The following IL15RA variants were observed in gnomAD, a reference collection of about 807,000 sequenced individuals.
The protein encoded by IL15RA is interleukin-15 receptor subunit alpha.
A neutral mutation model predicts 24.2 loss-of-function variants in IL15RA; 26 were observed. The observed-to-expected ratio is 1.07, with a 90% confidence interval of 0.79 to 1.49. IL15RA has a LOEUF of 1.49. Among genes scored for constraint, IL15RA ranks in the 40% most tolerant of loss-of-function variants. IL15RA has a pLI of 0.00. For missense variants in IL15RA, 354 were observed against 356.4 expected (o/e 0.99, Z 0.05); for synonymous variants, 166 against 157.6 (o/e 1.05, Z -0.40).
At position 5,956,456 on chromosome 10, in the gene IL15RA, T is replaced by C; in HGVS notation, c.617-2A>G. On this transcript the variant is annotated splice_acceptor_variant, in intron 5 of 6. Coordinates refer to ENST00000379977, the MANE Select transcript of IL15RA (RefSeq NM_002189.4). LOFTEE classifies it high-confidence loss of function. ...GGACAGTGGACGTGGAGATAGCCAC[T>C]GAAAGGGAGGAGACCACGCTGAGAT... 1 of 1,612,658 alleles carries C rather than the reference T, an allele frequency of 6.2e-7. No homozygotes were observed.
At position 5,965,543 on chromosome 10, in the gene IL15RA, G is replaced by A. The variant is rs1385944199; in HGVS notation, c.283+602C>T. Among the ~76,000 whole-genome samples the A allele has an allele frequency of 6.6e-6, 1 of 152,224 alleles. No individual in the cohort carries two copies. The highest frequency in any genetic ancestry group is 1.9e-4 in the East Asian group (1 of 5,194). On this transcript the variant is annotated intron_variant, in intron 2 of 6. Transcript: ENST00000379977. The surrounding 1 kb of genome is among the most constrained non-coding windows in gnomAD (Gnocchi z 5.8). ...GCCACCCTCCCACAGCCCGCAGTGT[G>A]GATATCAAGTCCGTTTTCCAGATGA...
At position 5,952,814 on chromosome 10, in the gene IL15RA, A is replaced by G; in HGVS notation, c.*281T>C. 1.9e-6 allele frequency: 1 copy of G among 517,440 alleles called. No homozygotes were observed. The highest frequency in any genetic ancestry group is 3.2e-5 in the East Asian group (1 of 30,964). 32.1% of individuals were successfully genotyped at this position (517,440 alleles called of 1,614,324 possible). A position where few individuals can be genotyped will look rare whatever the true frequency, so the allele number is the denominator to read the frequency against. ...ATTCCAGGCAGCTCACACTGTAATG[A>G]AATAAAAATCCTGCTCAGAAGCCTT... On this transcript the variant is annotated 3_prime_UTR_variant, in exon 7 of 7. Coordinates refer to ENST00000379977, the MANE Select transcript of IL15RA (RefSeq NM_002189.4).
Position 5,963,152 on chromosome 10 carries a change from C to T in IL15RA, c.382+591G>A, listed in dbSNP as rs1430746623. ...CTCAAGGGTGCTTCTACAGCAAGCG[C>T]CTTGGAAGACGGGGACATGGTCTCC... On this transcript the variant is annotated intron_variant, in intron 3 of 6. Coordinates refer to ENST00000379977, the MANE Select transcript of IL15RA (RefSeq NM_002189.4). This position sits in a 1 kb window ranked among gnomAD's most constrained non-coding sequence, Gnocchi z 5.3. Among the ~76,000 whole-genome samples the T allele has an allele frequency of 6.6e-6, 1 of 152,182 alleles. No individual in the cohort carries two copies. Among genetic ancestry groups the T allele is most frequent in the Non-Finnish European group, 1.5e-5 (1 of 68,040 alleles).
In IL15RA at chr10:5,977,408, G is replaced by T. The variant is rs1392710538; in HGVS notation, c.85C>A (p.Arg29=). ...LLLLLRPPAT[R]GITCPPPMSV... is the part of the protein sequence containing the mutation. ...GCCCCTGCTCCCAGCTCCCTACCCC[G>T]CGTCGCCGGCGGCCGGAGCAGCAGC... Residue 29 remains arginine, a synonymous_variant, in exon 1 of 7, where the codon CGG becomes AGG. Transcript: ENST00000379977. 1 of 1,324,492 alleles carries T rather than the reference G, an allele frequency of 7.6e-7. No homozygotes were observed. Among genetic ancestry groups the T allele is most frequent in the Non-Finnish European group, 9.7e-7 (1 of 1,034,508 alleles). 82.0% of individuals were successfully genotyped at this position (1,324,492 alleles called of 1,614,324 possible).
Position 5,953,132 on chromosome 10 carries a change from CT to C in IL15RA, c.766del (p.Arg256GlufsTer21). ...AGAGCAGTTTTCCAAGTCTTCATCT[CT>C]GCTGCTGGTCCCCCAAGTCACCGGC... Reference protein sequence around the residue: ...ALPVTWGTSSRDEDLENCSHH... With the variant: ...ALPVTWGTSSXDEDLENCSHH... On this transcript the variant is annotated frameshift_variant, in exon 7 of 7. Transcript: ENST00000379977. LOFTEE classifies it low-confidence loss of function (END_TRUNC). The surrounding 1 kb of genome is among the most constrained non-coding windows in gnomAD (Gnocchi z 5.3). The C allele has an allele frequency of 6.2e-7, 1 of 1,614,254 alleles. No individual in the cohort carries two copies. Among genetic ancestry groups the C allele is most frequent in the Non-Finnish European group, 8.5e-7 (1 of 1,180,024 alleles).
rs1172570690 is a variant in IL15RA at position 5,960,149 on chromosome 10, G to T, written c.583+218C>A. Among the ~76,000 whole-genome samples, 4 of 152,226 alleles carry T rather than the reference G, an allele frequency of 2.6e-5. No homozygotes were observed. Among genetic ancestry groups the T allele is most frequent in the African/African-American group, 9.6e-5 (4 of 41,456 alleles). The stretch of plus-strand genomic sequence containing the variant: ...AGGCTGGCCCTGTCACATCTTGGGG[G>T]GGTGTGGGCTTGCTTTTGCAGCTGC... On this transcript the variant is annotated intron_variant, in intron 4 of 6. Coordinates refer to ENST00000379977, the MANE Select transcript of IL15RA (RefSeq NM_002189.4). This position sits in a 1 kb window ranked among gnomAD's most constrained non-coding sequence, Gnocchi z 5.1.
At chr10:5,956,538 C>T in intron 5 of IL15RA, 84 bp from the exon 6 acceptor site, 1 of 1,027,454 alleles carries the variant, frequency 9.7e-7, no homozygotes, top group Non-Finnish European at 1.5e-6. Flanking sequence ...GATGTTCTTA[C>T]AGAGGGATCC....
At position 5,963,664 on chromosome 10, in the gene IL15RA, T is replaced by G; in HGVS notation, c.382+79A>C. On this transcript the variant is annotated intron_variant, in intron 3 of 6. Transcript: ENST00000379977. The surrounding 1 kb of genome is among the most constrained non-coding windows in gnomAD (Gnocchi z 5.3). ...TGCAGTGGCACACCACAGAGGTCCGTGAGTCTGCAGGATTGGTGAGCGGGC... is the reference window on the plus strand; with the variant it reads ...TGCAGTGGCACACCACAGAGGTCCGGGAGTCTGCAGGATTGGTGAGCGGGC... 1.1e-4 allele frequency: 89 copies of G among 816,324 alleles called. No individual in the cohort carries two copies. Among genetic ancestry groups the G allele is most frequent in the Non-Finnish European group, 1.4e-4 (76 of 540,704 alleles). 50.6% of individuals were successfully genotyped at this position (816,324 alleles called of 1,614,324 possible). A position where few individuals can be genotyped will look rare whatever the true frequency, so the allele number is the denominator to read the frequency against.
intron 1 of IL15RA, among the ~76,000 whole-genome samples, chr10:5,976,027 G>T (rs1321515548): frequency 1.3e-5 from 2 of 152,216 alleles, no homozygotes; most frequent in African/African-American, 4.8e-5. Context: ...TCACAGTGGT[G>T]CTCCCCTATC....
In IL15RA at chr10:5,952,982, GC is replaced by G; in HGVS notation, c.*112del. 1.3e-6 allele frequency: 1 copy of G among 776,928 alleles called. No homozygotes were observed. The highest frequency in any genetic ancestry group is 2.2e-6 in the Non-Finnish European group (1 of 453,238). 48.1% of individuals were successfully genotyped at this position (776,928 alleles called of 1,614,324 possible). On this transcript the variant is annotated 3_prime_UTR_variant, in exon 7 of 7. Transcript: ENST00000379977. The stretch of plus-strand genomic sequence containing the variant: ...GAGATCCTGCTGGGACTTCTGAGAG[GC>G]CTGGTGAGCTTGCTCCTGGAGCCCG...
Position 5,953,032 on chromosome 10 carries a change from G to A in IL15RA, c.*63C>T, listed in dbSNP as rs778651853. 76 of 1,222,214 alleles carry A rather than the reference G, an allele frequency of 6.2e-5. No individual in the cohort carries two copies. Among genetic ancestry groups the A allele is most frequent in the South Asian group, 1.7e-4 (14 of 81,588 alleles). 75.7% of individuals were successfully genotyped at this position (1,222,214 alleles called of 1,614,324 possible). ...CGCTTCCTTGCACCTCTTCTCAGTC[G>A]TCTTTAGCTAAAGCAGAGAGGCTCC... is the stretch of plus-strand genomic sequence containing the variant. On this transcript the variant is annotated 3_prime_UTR_variant, in exon 7 of 7. Coordinates refer to ENST00000379977, the MANE Select transcript of IL15RA (RefSeq NM_002189.4). The surrounding 1 kb of genome is among the most constrained non-coding windows in gnomAD (Gnocchi z 5.3).
chr10:5,952,896 T>C lies in IL15RA; in HGVS notation c.*199A>G, dbSNP rs1340371308. 3.3e-6 allele frequency: 2 copies of C among 606,036 alleles called. No individual in the cohort carries two copies. Among genetic ancestry groups the C allele is most frequent in the African/African-American group, 1.9e-5 (1 of 53,898 alleles). 37.5% of individuals were successfully genotyped at this position (606,036 alleles called of 1,614,324 possible). A position where few individuals can be genotyped will look rare whatever the true frequency, so the allele number is the denominator to read the frequency against. ...CAAGGCACGACAGGCAGGCAGGTGG[T>C]GCCCATGGGAATGCGGAGAACCTGC... On this transcript the variant is annotated 3_prime_UTR_variant, in exon 7 of 7. Transcript: ENST00000379977.
intron 1 of IL15RA, among the ~76,000 whole-genome samples, chr10:5,972,523 A>C (rs997291365): frequency 6.6e-6 from 1 of 151,710 alleles, no homozygotes; most frequent in Non-Finnish European, 1.5e-5. Context: ...ATTAGAAAAA[A>C]CTCCAAAATT....
chr10:5,977,942 C>G (rs948687419), upstream of IL15RA: 1 of 230,254 alleles, frequency 4.3e-6, no homozygotes, highest in East Asian at 8.5e-5. Flanking sequence ...CCTCGCCCGG[C>G]GCTGGTCGCC....
At position 5,966,182 on chromosome 10, in the gene IL15RA, A is replaced by G. The variant is rs1339924822; in HGVS notation, c.246T>C (p.Asn82=). The change falls in exon 2 of 7, where the codon AAT becomes AAC. Residue 82 remains asparagine, a synonymous_variant. Coordinates refer to ENST00000379977, the MANE Select transcript of IL15RA (RefSeq NM_002189.4). The surrounding 1 kb of genome is among the most constrained non-coding windows in gnomAD (Gnocchi z 6.4). The part of the protein sequence containing the change: ...LTECVLNKAT[N]VAHWTTPSLK... The stretch of plus-strand genomic sequence containing the variant: ...GACTGGGGGTTGTCCAGTGGGCGAC[A>G]TTCGTGGCCTTGTTCAACACGCACT... 3.7e-6 allele frequency: 6 copies of G among 1,612,334 alleles called. No individual in the cohort carries two copies. In the East Asian group the frequency reaches 1.3e-4, roughly 36 times the overall value.
rs1835248064 is a variant in IL15RA at position 5,960,124 on chromosome 10, AGGCT to A, written c.583+239_583+242del. On this transcript the variant is annotated intron_variant, in intron 4 of 6. Transcript: ENST00000379977. This position sits in a 1 kb window ranked among gnomAD's most constrained non-coding sequence, Gnocchi z 5.1. ...CACAGGCTCTGCCATGCGGGTGATA[AGGCT>A]GGCCCTGTCACATCTTGGGGGGGTG... 6.6e-6 allele frequency among the ~76,000 whole-genome samples: 1 copy of A among 152,184 alleles called. No individual in the cohort carries two copies. The highest frequency in any genetic ancestry group is 1.5e-5 in the Non-Finnish European group (1 of 68,026).
chr10:5,949,608 G>A (rs1047652728), downstream of IL15RA, among the ~76,000 whole-genome samples: 1 of 152,056 alleles, frequency 6.6e-6, no homozygotes, highest in Non-Finnish European at 1.5e-5. This position sits in a 1 kb window ranked among gnomAD's most constrained non-coding sequence, Gnocchi z 4.4. Flanking sequence ...GGAACAGGGG[G>A]GTGAGCAGTG....
chr10:5,966,305 G>A lies in IL15RA; in HGVS notation c.123C>T (p.His41=), dbSNP rs752573046. The A allele has an allele frequency of 2.0e-5, 32 of 1,612,098 alleles. No homozygotes were observed. Among genetic ancestry groups the A allele is most frequent in the East Asian group, 1.1e-4 (5 of 44,826 alleles). The change falls in exon 2 of 7, where the codon CAC becomes CAT. Residue 41 remains histidine (H), a synonymous_variant. Coordinates refer to ENST00000379977, the MANE Select transcript of IL15RA (RefSeq NM_002189.4). This position sits in a 1 kb window ranked among gnomAD's most constrained non-coding sequence, Gnocchi z 6.4. ...ITCPPPMSVE[H]ADIWVKSYSL... The stretch of plus-strand genomic sequence containing the variant: ...TGTAGCTCTTGACCCAGATGTCTGC[G>A]TGTTCCACGGACATGGGGGGAGGGC...
At position 5,966,844 on chromosome 10, in the gene IL15RA, C is replaced by T. The variant is rs555173014; in HGVS notation, c.89-505G>A. The stretch of plus-strand genomic sequence containing the variant: ...AAAATTAGCCGGGCGTGGTGGCAGG[C>T]GCCTGTAATCCCAGCTACTGGGGAG... On this transcript the variant is annotated intron_variant, in intron 1 of 6. Transcript: ENST00000379977. This position sits in a 1 kb window ranked among gnomAD's most constrained non-coding sequence, Gnocchi z 6.4. 6.6e-6 allele frequency among the ~76,000 whole-genome samples: 1 copy of T among 152,056 alleles called. No homozygotes were observed. The highest frequency in any genetic ancestry group is 2.4e-5 in the African/African-American group (1 of 41,428).
Sources: gnomAD v4.1 joint callset for allele counts (sites outside exome capture counted in the v4.1 genomes callset) on GRCh38, gnomAD v4.1.1 for gene constraint, Gnocchi (gnomAD v3.1) non-coding constraint, MANE v1.5 for transcripts, NCBI Gene and HGNC (gene_info 2026-07-23, HGNC 2026-07-21) for gene names.